Variants in UBAC2 observed in about 807,000 individuals in gnomAD.
UBAC2 encodes ubiquitin-associated domain-containing protein 2.
In UBAC2, 26 loss-of-function variants were observed where a neutral mutation model predicts 44.0. The ratio of observed to expected loss-of-function variants is 0.59; its 90% CI spans 0.43 to 0.82. The LOEUF (loss-of-function observed/expected upper bound fraction) is 0.82. Ranked by LOEUF, UBAC2 falls within the 40% of genes least tolerant of loss-of-function variation. UBAC2 has a pLI of 0.00. For missense variants in UBAC2, 329 were observed against 419.4 expected, an observed-to-expected ratio of 0.78 and a Z score of 1.88; for synonymous variants, 155 against 154.3, an observed-to-expected ratio of 1.00 and a Z score of -0.04.
chr13:99,252,554 T>C (rs2043471153), intron 4 of UBAC2, among the ~76,000 whole-genome samples: 1 of 152,230 alleles, frequency 6.6e-6, no homozygotes, highest in Non-Finnish European at 1.5e-5. Flanking sequence ...GTTTTGAAAG[T>C]AGAAATAACT....
chr13:99,296,132 A>G (rs1428233299), intron 4 of UBAC2: 3 of 1,600,156 alleles, frequency 1.9e-6, no homozygotes, highest in South Asian at 1.1e-5. Flanking sequence ...ATTGTTTGCC[A>G]TTTGTATATC....
chr13:99,358,258 C>T (rs939472903), intron 7 of UBAC2, among the ~76,000 whole-genome samples: 1 of 152,182 alleles, frequency 6.6e-6, no homozygotes, highest in Non-Finnish European at 1.5e-5. Flanking sequence ...TGAGTAGCAT[C>T]AAAGGGGAGG....
In UBAC2 at chr13:99,200,882, C is replaced by G. The variant is rs376502594; in HGVS notation, c.-27C>G. 1 of 1,302,636 alleles carries G rather than the reference C, an allele frequency of 7.7e-7. No individual in the cohort carries two copies. Among genetic ancestry groups the G allele is most frequent in the Non-Finnish European group, 9.8e-7 (1 of 1,017,518 alleles). 80.7% of individuals were successfully genotyped at this position (1,302,636 alleles called of 1,614,324 possible). ...CTTCAGCTTCCCCTCCCCCGGCGCC[C>G]TCTGGGGCTCCGAGCCCGGCGGGAC... On this transcript the variant is annotated 5_prime_UTR_variant, in exon 1 of 9. Transcript: ENST00000403766.
intron 4 of UBAC2, among the ~76,000 whole-genome samples, chr13:99,291,566 G>A (rs986955879): frequency 1.3e-5 from 2 of 152,204 alleles, no homozygotes; most frequent in Admixed American, 6.5e-5. Flanking sequence ...ATGCCACCTT[G>A]TACTCAATGG....
intron 4 of UBAC2, chr13:99,255,662 A>G (rs761722169): frequency 6.2e-7 from 1 of 1,614,128 alleles, no homozygotes; most frequent in South Asian, 1.1e-5. Flanking sequence ...GTCATTATAA[A>G]TATCAAGTCC....
chr13:99,232,420 A>ATATATATATATATT (rs1438082766), intron 1 of UBAC2, among the ~76,000 whole-genome samples: 8 of 142,618 alleles, frequency 5.6e-5, no homozygotes, highest in African/African-American at 1.8e-4. Flanking sequence ...ATATATATAT[A>ATATATATATATATT]TTCACACACA....
At chr13:99,337,205 A>G (rs919926743) in intron 6 of UBAC2, among the ~76,000 whole-genome samples, 8 of 152,280 alleles carry the variant, frequency 5.3e-5, no homozygotes, top group Admixed American at 5.2e-4. Context: ...CCCTGTTAAG[A>G]TTTTATTTTG....
intron 7 of UBAC2, among the ~76,000 whole-genome samples, chr13:99,341,849 T>G (rs968703349): frequency 2.6e-5 from 4 of 152,144 alleles, no homozygotes; most frequent in African/African-American, 9.7e-5. Context: ...ACAGAGCTTA[T>G]GAGGGAGAGA....
chr13:99,323,183 A>G (rs147005918), intron 6 of UBAC2, among the ~76,000 whole-genome samples: 1 of 152,110 alleles, frequency 6.6e-6, no homozygotes, highest in East Asian at 1.9e-4. Context: ...CCATTGACCA[A>G]AGAGTGGTAT....
chr13:99,251,830 A>T (rs1485273787), intron 4 of UBAC2, among the ~76,000 whole-genome samples: 2 of 152,144 alleles, frequency 1.3e-5, no homozygotes, highest in African/African-American at 4.8e-5. Context: ...TGACCCTCAC[A>T]TGTCAACTGT....
intron 1 of UBAC2, among the ~76,000 whole-genome samples, chr13:99,210,102 G>A (rs931525603): frequency 6.6e-6 from 1 of 152,190 alleles, no homozygotes; most frequent in South Asian, 2.1e-4. Flanking sequence ...CCACACTATA[G>A]GAAGTTTGGA....
intron 6 of UBAC2, among the ~76,000 whole-genome samples, chr13:99,338,047 C>CTTTTTCTTTT (rs2044821100): frequency 1.6e-4 from 8 of 48,866 alleles, no homozygotes; most frequent in Admixed American, 8.8e-4. Flanking sequence ...TTCTTTTTTT[C>CTTTTTCTTTT]TTTTTTTTTT....
intron 4 of UBAC2, among the ~76,000 whole-genome samples, chr13:99,286,540 A>G (rs9513589): frequency 0.14 from 20,693 of 151,556 alleles, 1,650 homozygotes; most frequent in East Asian, 0.32. Context: ...GTACATATGC[A>G]GGTTTATTAC....
chr13:99,264,296 C>G (rs1246463717), intron 4 of UBAC2, among the ~76,000 whole-genome samples: 28 of 152,322 alleles, frequency 1.8e-4, no homozygotes. Flanking sequence ...GCCAGGGGCC[C>G]ATGAGCCTTT....
At chr13:99,211,202 T>A (rs1281284213) in intron 1 of UBAC2, among the ~76,000 whole-genome samples, 2 of 152,230 alleles carry the variant, frequency 1.3e-5, no homozygotes, top group East Asian at 3.8e-4. Flanking sequence ...ATAGGTATTG[T>A]TATTTTTCCC....
intron 7 of UBAC2, among the ~76,000 whole-genome samples, chr13:99,360,127 G>T (rs958567554): frequency 1.3e-5 from 2 of 152,166 alleles, no homozygotes; most frequent in Non-Finnish European, 2.9e-5. Context: ...GCACCAACTT[G>T]TACGAGCAGT....
chr13:99,280,987 A>G (rs940123675), intron 4 of UBAC2, among the ~76,000 whole-genome samples: 1 of 152,122 alleles, frequency 6.6e-6, no homozygotes, highest in African/African-American at 2.4e-5. Context: ...GGAGTTTGAG[A>G]CCAGCGTGGC....
chr13:99,375,089 A>G (rs1329433820), intron 8 of UBAC2, among the ~76,000 whole-genome samples: 1 of 152,170 alleles, frequency 6.6e-6, no homozygotes, highest in Admixed American at 6.5e-5. Flanking sequence ...ATAGTAACCA[A>G]CTTTTGTGGG....
intron 6 of UBAC2, among the ~76,000 whole-genome samples, chr13:99,330,857 A>G (rs1001140252): frequency 6.6e-6 from 1 of 152,230 alleles, no homozygotes; most frequent in East Asian, 1.9e-4. Context: ...ATGAGTTTCA[A>G]CTGAAATAAG....
Sources: gnomAD v4.1 joint callset for allele counts (sites outside exome capture counted in the v4.1 genomes callset) on GRCh38, gnomAD v4.1.1 for gene constraint, MANE v1.5 for transcripts, NCBI Gene and HGNC (gene_info 2026-07-23, HGNC 2026-07-21) for gene names.